The following DHX15 variants were observed in gnomAD, a reference collection of about 807,000 sequenced individuals.
DHX15 encodes DEAH-box helicase 15, also known as ATP-dependent RNA helicase DHX15.
A neutral mutation model predicts 94.4 loss-of-function variants in DHX15; 11 were observed. That is an observed-to-expected ratio of 0.12 (90% CI 0.07 to 0.19). DHX15 has a LOEUF of 0.19. DHX15 is among the 10% of genes least tolerant of loss of function. The pLI is 1.00. For synonymous variants in DHX15, 338 were observed against 329.9 expected (o/e 1.02, Z -0.27); for missense variants, 304 against 988.5 (o/e 0.31, Z 9.29).
At chr4:24,569,591 CAAAA>C (rs60075617) in intron 3 of DHX15, among the ~76,000 whole-genome samples, 1 of 68,676 alleles carries the variant, frequency 1.5e-5, no homozygotes, top group Non-Finnish European at 2.7e-5. Flanking sequence ...GACTCCATCT[CAAAA>C]AAAAAAAAAA....
chr4:24,551,844 T>C (rs935142141), intron 5 of DHX15, among the ~76,000 whole-genome samples: 3 of 152,206 alleles, frequency 2.0e-5, no homozygotes, highest in African/African-American at 7.2e-5. Context: ...ATTTCACACA[T>C]TAAAAATTAA....
intron 1 of DHX15, among the ~76,000 whole-genome samples, chr4:24,581,229 C>T (rs932497916): frequency 2.0e-5 from 3 of 151,610 alleles, no homozygotes; most frequent in African/African-American, 7.3e-5. Flanking sequence ...AGGGTTTCAC[C>T]GTGTTAGCCA....
chr4:24,539,953 G>A (rs993128131), intron 10 of DHX15, 155 bp downstream of exon 10: 8 of 497,954 alleles, frequency 1.6e-5, no homozygotes, highest in Admixed American at 1.2e-4. Flanking sequence ...ATGTCATTAC[G>A]AAGCTATTTA....
chr4:24,575,429 G>A (rs1189475051), intron 2 of DHX15, among the ~76,000 whole-genome samples: 2 of 152,284 alleles, frequency 1.3e-5, no homozygotes, highest in East Asian at 1.9e-4. Context: ...AGGCTTAAGT[G>A]TATAAAGACA....
At chr4:24,576,878 C>A (rs1043949548) in intron 1 of DHX15, among the ~76,000 whole-genome samples, 200 bp from the exon 2 acceptor site, 15 of 152,204 alleles carry the variant, frequency 9.9e-5, no homozygotes, top group Non-Finnish European at 2.1e-4. Flanking sequence ...CCCTTCCTTG[C>A]TGATGCCCCA....
intron 3 of DHX15, among the ~76,000 whole-genome samples, chr4:24,562,503 T>C (rs924342772): frequency 7.2e-5 from 11 of 152,310 alleles, no homozygotes; most frequent in African/African-American, 2.6e-4. Context: ...ATGGTCCCCT[T>C]GTAAAAATGT....
At chr4:24,541,020 T>C in intron 8 of DHX15, 72 bp from the exon 9 acceptor site, 1 of 816,918 alleles carries the variant, frequency 1.2e-6, no homozygotes, top group Non-Finnish European at 2.0e-6. Context: ...AAAACAAAAA[T>C]CTGCTGCCTC....
At chr4:24,583,167 AT>A (rs1451565036) in intron 1 of DHX15, among the ~76,000 whole-genome samples, 2 of 152,250 alleles carry the variant, frequency 1.3e-5, no homozygotes, top group African/African-American at 4.8e-5. Flanking sequence ...TATGCAAAGT[AT>A]TTGGCTACTC....
chr4:24,584,207 G>C (rs1469085688), intron 1 of DHX15, 116 bp downstream of exon 1: 1 of 1,122,932 alleles, frequency 8.9e-7, no homozygotes, highest in Non-Finnish European at 1.3e-6. Context: ...ACCCAGCCCA[G>C]AGAGAAACAA....
intron 6 of DHX15, among the ~76,000 whole-genome samples, chr4:24,545,823 C>A (rs1310571946): frequency 1.3e-5 from 2 of 152,168 alleles, no homozygotes; most frequent in African/African-American, 4.8e-5. Flanking sequence ...ATAATTGTTA[C>A]ATGCTTTCTA....
chr4:24,530,839 T>C (rs1409923786), intron 12 of DHX15: 5 of 152,224 alleles, frequency 3.3e-5, no homozygotes, highest in Admixed American at 2.6e-4. Context: ...CTCAATTTCA[T>C]TCGAAATATT....
chr4:24,556,471 G>A (rs1003234565), intron 3 of DHX15, 61 bp from the exon 4 acceptor site: 27 of 1,386,852 alleles, frequency 1.9e-5, no homozygotes, highest in African/African-American at 4.3e-5. Flanking sequence ...ACCAAACTTC[G>A]TGACAAAAAT....
At chr4:24,529,489 C>T (rs541738652) in intron 13 of DHX15, 112 bp downstream of exon 13, 1 of 907,264 alleles carries the variant, frequency 1.1e-6, no homozygotes, top group East Asian at 2.5e-5. Context: ...TACCTACACA[C>T]TGAAATATAA....
intron 13 of DHX15, 90 bp from the exon 14 acceptor site, chr4:24,528,131 C>A: frequency 1.2e-6 from 1 of 807,586 alleles, no homozygotes; most frequent in Admixed American, 2.0e-5. Flanking sequence ...CATTAATATA[C>A]TGATGAACCA....
intron 3 of DHX15, among the ~76,000 whole-genome samples, chr4:24,569,310 C>A (rs555037422): frequency 4.3e-4 from 66 of 152,132 alleles, no homozygotes; most frequent in African/African-American, 1.5e-3. Flanking sequence ...TCAATTTCTG[C>A]GGCTGGGTGT....
At chr4:24,540,072 G>T in intron 10 of DHX15, 36 bp downstream of exon 10, 1 of 1,428,138 alleles carries the variant, frequency 7.0e-7, no homozygotes, top group South Asian at 1.7e-5. Context: ...AAACTTTGAA[G>T]AGCTGGGCTT....
intron 3 of DHX15, among the ~76,000 whole-genome samples, chr4:24,560,546 T>C (rs571648148): frequency 6.6e-6 from 1 of 152,282 alleles, no homozygotes; most frequent in Admixed American, 6.5e-5. Flanking sequence ...TATGACAAAC[T>C]GAGCAAAAAT....
intron 1 of DHX15, among the ~76,000 whole-genome samples, chr4:24,582,809 T>A (rs529895205): frequency 2.3e-4 from 35 of 152,288 alleles, no homozygotes; most frequent in Middle Eastern, 6.8e-3. Flanking sequence ...GTCTGTGACA[T>A]ACAGCTCAGA....
chr4:24,550,118 A>AAAAAC (rs1721560007), intron 5 of DHX15, among the ~76,000 whole-genome samples: 3 of 145,276 alleles, frequency 2.1e-5, no homozygotes, highest in African/African-American at 7.7e-5. Flanking sequence ...AAAAAAAAAA[A>AAAAAC]AAAAACGGTA....
Sources: gnomAD v4.1 joint callset for allele counts (sites outside exome capture counted in the v4.1 genomes callset) on GRCh38, gnomAD v4.1.1 for gene constraint, MANE v1.5 for transcripts, NCBI Gene and HGNC (gene_info 2026-07-23, HGNC 2026-07-21) for gene names.